Variants in ZSCAN29 observed in about 807,000 individuals in gnomAD.
ZSCAN29 encodes zinc finger and SCAN domain-containing protein 29.
Under a neutral mutation model 71.9 loss-of-function variants are expected in ZSCAN29, and 55 were observed. The observed-to-expected ratio is 0.76, with a 90% CI of 0.62 to 0.96. The LOEUF (loss-of-function observed/expected upper bound fraction) is 0.96, where lower values mean the gene tolerates loss of function less well. Among genes scored for constraint, ZSCAN29 ranks in the 40% least tolerant of loss-of-function variants. ZSCAN29 has a pLI of 0.00. For synonymous variants in ZSCAN29, 351 were observed against 371.6 expected, an observed-to-expected ratio of 0.94 and a Z score of 0.64; for missense variants, 1,042 against 1,042.2, an observed-to-expected ratio of 1.00 and a Z score of 0.00.
In ZSCAN29 at chr15:43,366,379, G is replaced by T; in HGVS notation, c.953C>A (p.Pro318His). The change falls in exon 4 of 6, where the codon CCT (proline) becomes CAT (histidine). Residue 318 changes from proline to histidine, a missense_variant. Pro to His is a moderately conservative substitution (Grantham distance 77, BLOSUM62 -2). Coordinates refer to ENST00000684362, the MANE Select transcript of ZSCAN29 (RefSeq NM_001372080.1). ...SYRKVKSGHPPETCPFFEEME... is the reference protein window; with the variant it reads ...SYRKVKSGHPHETCPFFEEME... ...CTCTTCAAAGAAGGGGCAGGTCTCA[G>T]GTGGGTGGCCGCTCTTGACTTTCCG... 2 of 1,614,098 alleles carry T rather than the reference G, an allele frequency of 1.2e-6. No individual in the cohort carries two copies. Among genetic ancestry groups the T allele is most frequent in the South Asian group, 2.2e-5 (2 of 91,078 alleles).
In ZSCAN29 at chr15:43,364,250, T is replaced by C; in HGVS notation, c.1355A>G (p.Tyr452Cys). The C allele has an allele frequency of 6.2e-7, 1 of 1,614,202 alleles. No homozygotes were observed. The highest frequency in any genetic ancestry group is 8.5e-7 in the Non-Finnish European group (1 of 1,180,022). Residue 452 changes from tyrosine to cysteine, a missense_variant, in exon 5 of 6, where the codon TAT becomes TGT. Transcript: ENST00000684362. ...CTGTTCTGGGGTCCTAAGAAAGCCA[T>C]ATTCCCATAACCTCTCAGCCACTGC... ...YGAVAERLWEYGFLRTPEQCR... is the reference protein window; with the variant it reads ...YGAVAERLWECGFLRTPEQCR...
chr15:43,364,360 C>A lies in ZSCAN29; in HGVS notation c.1245G>T (p.Glu415Asp). 1 of 1,613,982 alleles carries A rather than the reference C, an allele frequency of 6.2e-7. No homozygotes were observed. Among genetic ancestry groups the A allele is most frequent in the South Asian group, 1.1e-5 (1 of 91,066 alleles). Residue 415 changes from glutamate to aspartate, a missense_variant, in exon 5 of 6, where the codon GAG becomes GAT. Coordinates refer to ENST00000684362, the MANE Select transcript of ZSCAN29 (RefSeq NM_001372080.1). ...SPGGVHWGYE[E>D]TKTYLAILSE... ...TAAGAATTGCAAGGTAAGTCTTGGT[C>A]TCTTCATAGCCCCAGTGTACACCTG...
At chr15:43,365,735 C>T (rs1223557739) in intron 4 of ZSCAN29, among the ~76,000 whole-genome samples, 2 of 143,652 alleles carry the variant, frequency 1.4e-5, no homozygotes, top group African/African-American at 2.9e-5. Context: ...TGTAAAACAT[C>T]AAGTTCATAT....
In ZSCAN29 at chr15:43,366,197, G is replaced by A. The variant is rs372802206; in HGVS notation, c.1135C>T (p.Gln379Ter). The A allele has an allele frequency of 3.8e-5, 61 of 1,613,788 alleles. No homozygotes were observed. Among genetic ancestry groups the A allele is most frequent in the Non-Finnish European group, 5.2e-5 (61 of 1,180,034 alleles). Residue 379 changes from glutamine to a stop codon, truncating the protein, a stop_gained, in exon 4 of 6, where the codon CAG (glutamine) becomes TAG (stop). Transcript: ENST00000684362. LOFTEE classifies it high-confidence loss of function. ...TCCATGTCATCACTGTCAGACTCCTGAGCCACAGCCTCTTCTGCTCCCTCC... is the reference window on the plus strand; with the variant it reads ...TCCATGTCATCACTGTCAGACTCCTAAGCCACAGCCTCTTCTGCTCCCTCC... ...HEEGAEEAVAQESDSDDMDLE... is the reference protein window; with the variant it reads ...HEEGAEEAVA
intron 4 of ZSCAN29, among the ~76,000 whole-genome samples, chr15:43,365,449 A>G (rs1473860856): frequency 1.3e-5 from 2 of 152,226 alleles, no homozygotes; most frequent in Non-Finnish European, 2.9e-5. Flanking sequence ...AATGTATACT[A>G]TGAATCTCAG....
Position 43,361,516 on chromosome 15 carries a change from A to G in ZSCAN29, c.2116T>C (p.Tyr706His). 6.2e-7 allele frequency: 1 copy of G among 1,614,182 alleles called. No individual in the cohort carries two copies. Among genetic ancestry groups the G allele is most frequent in the Non-Finnish European group, 8.5e-7 (1 of 1,180,028 alleles). ...CTTTTTCCACAGTCAAGACATTTAT[A>G]AGGTTTCTCTCCAGTGTGGATTCTC... is the stretch of plus-strand genomic sequence containing the variant. ...HRRIHTGEKP[Y>H]KCLDCGKSFR... is the part of the protein sequence containing the mutation. The change falls in exon 6 of 6, where the codon TAT (tyrosine) becomes CAT (histidine). Residue 706 changes from tyrosine to histidine, a missense_variant. Tyr to His is a moderately conservative substitution (Grantham distance 83). Transcript: ENST00000684362.
chr15:43,368,605 T>C (rs889405442), intron 3 of ZSCAN29, among the ~76,000 whole-genome samples: 3 of 150,154 alleles, frequency 2.0e-5, no homozygotes, highest in African/African-American at 7.3e-5. Flanking sequence ...TATAGTTTAA[T>C]TTGAAGATGG....
At chr15:43,365,412 A>G (rs1043921399) in intron 4 of ZSCAN29, among the ~76,000 whole-genome samples, 3 of 152,234 alleles carry the variant, frequency 2.0e-5, no homozygotes, top group African/African-American at 7.2e-5. Flanking sequence ...TTCTCACTGT[A>G]GGACTTCTCA....
Position 43,358,594 on chromosome 15 carries a change from A to G in ZSCAN29, c.*2479T>C, listed in dbSNP as rs1427937052. On this transcript the variant is annotated 3_prime_UTR_variant, in exon 6 of 6. Transcript: ENST00000684362. ...GAATTATAGAATACTATATCTTCCT[A>G]CTGCTCTCCCTGATCTTATTCCAGC... The G allele has an allele frequency of 1.3e-5, 2 of 152,248 alleles. No individual in the cohort carries two copies. The highest frequency in any genetic ancestry group is 2.4e-5 in the African/African-American group (1 of 41,476). The allele number at this position is 152,248 out of a possible 1,614,324, so 9.4% of individuals were successfully genotyped here. A position where few individuals can be genotyped will look rare whatever the true frequency, so the allele number is the denominator to read the frequency against.
chr15:43,362,519 T>C (rs1044575371), intron 5 of ZSCAN29, among the ~76,000 whole-genome samples: 1 of 152,174 alleles, frequency 6.6e-6, no homozygotes, highest in East Asian at 1.9e-4. Context: ...ATGCCTGGCT[T>C]TTTTGGGCCT....
Position 43,360,899 on chromosome 15 carries a change from C to G in ZSCAN29, c.*174G>C. ...TGAAATCTTCCTTTCATTCTTTAGA[C>G]TGCCTTGGGGATTTGAGTCTAGATC... is the stretch of plus-strand genomic sequence containing the variant. On this transcript the variant is annotated 3_prime_UTR_variant, in exon 6 of 6. Transcript: ENST00000684362. 1 of 831,718 alleles carries G rather than the reference C, an allele frequency of 1.2e-6. No individual in the cohort carries two copies. The highest frequency in any genetic ancestry group is 1.9e-6 in the Non-Finnish European group (1 of 538,560). 51.5% of individuals were successfully genotyped at this position (831,718 alleles called of 1,614,324 possible). A position where few individuals can be genotyped will look rare whatever the true frequency, so the allele number is the denominator to read the frequency against.
chr15:43,363,887 T>G (rs2044007512), intron 5 of ZSCAN29, 28 bp downstream of exon 5: 1 of 1,540,672 alleles, frequency 6.5e-7, no homozygotes, highest in African/African-American at 1.4e-5. Flanking sequence ...CCTTTGTTAT[T>G]TATACCATAA....
chr15:43,366,331 T>A lies in ZSCAN29; in HGVS notation c.1001A>T (p.Gln334Leu), dbSNP rs1221685637. The A allele has an allele frequency of 6.2e-7, 1 of 1,613,458 alleles. No individual in the cohort carries two copies. Among genetic ancestry groups the A allele is most frequent in the African/African-American group, 1.3e-5 (1 of 75,022 alleles). Residue 334 changes from glutamine (Q) to leucine (L), a missense_variant, in exon 4 of 6, where the codon CAG becomes CTG. Physicochemically the swap from Gln to Leu is moderately radical, Grantham distance 113 (BLOSUM62 -2). Transcript: ENST00000684362. ...GCCATTACTGGGCAGGGCAATGACC[T>A]GAGCACTCATCAGGGCTTCCATCTC... ...FEEMEALMSAQVIALPSNGLE... is the reference protein window; with the variant it reads ...FEEMEALMSALVIALPSNGLE...
At chr15:43,361,985 A>G (rs1360081688) in intron 5 of ZSCAN29, 44 bp from the exon 6 acceptor site, 2 of 1,554,850 alleles carry the variant, frequency 1.3e-6, no homozygotes, top group Non-Finnish European at 1.7e-6. Context: ...TTTCTTAATC[A>G]TATGTGCCAC....
chr15:43,366,346 G>T lies in ZSCAN29; in HGVS notation c.986C>A (p.Ala329Asp). The change falls in exon 4 of 6, where the codon GCC becomes GAC. Residue 329 changes from alanine to aspartate, a missense_variant. Physicochemically the swap from Ala to Asp is moderately radical, Grantham distance 126. Coordinates refer to ENST00000684362, the MANE Select transcript of ZSCAN29 (RefSeq NM_001372080.1). ...GGCAATGACCTGAGCACTCATCAGG[G>T]CTTCCATCTCTTCAAAGAAGGGGCA... ...ETCPFFEEME[A>D]LMSAQVIALP... 6.2e-7 allele frequency: 1 copy of T among 1,613,640 alleles called. No individual in the cohort carries two copies.
chr15:43,365,616 A>G (rs1342739958), intron 4 of ZSCAN29, among the ~76,000 whole-genome samples: 1 of 152,250 alleles, frequency 6.6e-6, no homozygotes. Flanking sequence ...TAAAATTTTT[A>G]AAGAAAAAAA....
intron 4 of ZSCAN29, among the ~76,000 whole-genome samples, chr15:43,364,913 A>G (rs1489430992): frequency 6.6e-6 from 1 of 151,484 alleles, no homozygotes; most frequent in Non-Finnish European, 1.5e-5. Flanking sequence ...AAAAAAAAAA[A>G]AAGTGAAAGA....
chr15:43,363,542 A>C (rs931488475), intron 5 of ZSCAN29, among the ~76,000 whole-genome samples: 6 of 152,252 alleles, frequency 3.9e-5, no homozygotes, highest in Admixed American at 6.5e-5. Context: ...AACTAGAAGA[A>C]GACATATAAA....
rs191249783 is a variant in ZSCAN29 at position 43,360,827 on chromosome 15, G to A, written c.*246C>T. On this transcript the variant is annotated 3_prime_UTR_variant, in exon 6 of 6. Coordinates refer to ENST00000684362, the MANE Select transcript of ZSCAN29 (RefSeq NM_001372080.1). Reference sequence around the variant, plus strand: ...TAAGGGAACACCATAGGCACTGAGAGGGAAAAGATGTTATCCATCAATTCA... The same window carrying A: ...TAAGGGAACACCATAGGCACTGAGAAGGAAAAGATGTTATCCATCAATTCA... The A allele has an allele frequency of 2.5e-4, 121 of 487,548 alleles. No homozygotes were observed. The highest frequency in any genetic ancestry group is 2.2e-3 in the African/African-American group (113 of 52,488). The allele number at this position is 487,548 out of a possible 1,614,324, so 30.2% of individuals were successfully genotyped here.
Sources: gnomAD v4.1 joint callset for allele counts (sites outside exome capture counted in the v4.1 genomes callset) on GRCh38, gnomAD v4.1.1 for gene constraint, MANE v1.5 for transcripts, NCBI Gene and HGNC (gene_info 2026-07-23, HGNC 2026-07-21) for gene names.